Variants in SNX30 observed in about 807,000 individuals in gnomAD.
SNX30 encodes the protein sorting nexin family member 30, also known as sorting nexin-30.
A neutral mutation model predicts 46.4 loss-of-function variants in SNX30; 24 were observed. That is an observed-to-expected ratio of 0.52 (90% confidence interval 0.37 to 0.73). SNX30 has a LOEUF of 0.73. Among genes scored for constraint, SNX30 ranks in the 30% least tolerant of loss-of-function variants. SNX30 has a pLI of 0.00. For missense variants in SNX30, 533 were observed against 555.7 expected, an observed-to-expected ratio of 0.96 and a Z score of 0.41; for synonymous variants, 189 against 211.5, an observed-to-expected ratio of 0.89 and a Z score of 0.92.
intron 1 of SNX30, among the ~76,000 whole-genome samples, chr9:112,752,840 T>C (rs1294664778): frequency 2.0e-5 from 3 of 152,192 alleles, no homozygotes; most frequent in Non-Finnish European, 2.9e-5. Context: ...AGTCAAGTTG[T>C]TGGCTTGGGC....
At chr9:112,841,400 C>T (rs960097241) in intron 6 of SNX30, among the ~76,000 whole-genome samples, 1 of 152,222 alleles carries the variant, frequency 6.6e-6, no homozygotes, top group Non-Finnish European at 1.5e-5. Context: ...CTTTACCCCC[C>T]ATGTGTGGGG....
intron 7 of SNX30, among the ~76,000 whole-genome samples, chr9:112,853,200 A>G (rs552639945): frequency 6.6e-6 from 1 of 152,334 alleles, no homozygotes; most frequent in South Asian, 2.1e-4. Flanking sequence ...GCATGTATCT[A>G]TGGAAAGGCA....
intron 1 of SNX30, among the ~76,000 whole-genome samples, chr9:112,771,543 G>A (rs1367976073): frequency 6.6e-6 from 1 of 152,178 alleles, no homozygotes; most frequent in African/African-American, 2.4e-5. Context: ...ATGCAGCATT[G>A]CTGTGTCAGA....
At chr9:112,767,015 G>C (rs1236609429) in intron 1 of SNX30, among the ~76,000 whole-genome samples, 1 of 152,024 alleles carries the variant, frequency 6.6e-6, no homozygotes, top group Non-Finnish European at 1.5e-5. Context: ...TTAATTTTTT[G>C]AGGACTCGTC....
At chr9:112,815,099 A>T (rs1840377081) in intron 2 of SNX30, among the ~76,000 whole-genome samples, 1 of 152,016 alleles carries the variant, frequency 6.6e-6, no homozygotes, top group African/African-American at 2.4e-5. Flanking sequence ...ATTTAGAGGG[A>T]TTATGGCTGA....
At chr9:112,867,453 C>T (rs1245979932) in intron 8 of SNX30, among the ~76,000 whole-genome samples, 5 of 151,652 alleles carry the variant, frequency 3.3e-5, no homozygotes, top group African/African-American at 1.2e-4. Context: ...ACTCCTCCTC[C>T]ATCCTCAGAA....
intron 2 of SNX30, among the ~76,000 whole-genome samples, chr9:112,807,264 C>T (rs533609282): frequency 1.3e-4 from 20 of 152,098 alleles, no homozygotes; most frequent in Admixed American, 9.8e-4. Context: ...TGAGGTTTTA[C>T]TATGTTGGCC....
intron 4 of SNX30, among the ~76,000 whole-genome samples, chr9:112,834,032 G>A (rs1840710758): frequency 6.6e-6 from 1 of 152,158 alleles, no homozygotes; most frequent in Admixed American, 6.5e-5. Context: ...AATTGGTAGG[G>A]CAAGGCCCTC....
At chr9:112,804,411 T>C (rs2096185) in intron 1 of SNX30, among the ~76,000 whole-genome samples, 133,388 of 152,166 alleles carry the variant, frequency 0.88, 58,622 homozygotes, top group Middle Eastern at 0.91. Flanking sequence ...GTGAGCCACC[T>C]GTCTCGGCCT....
rs1841402353 is a variant in SNX30, at chr9:112,868,891, C to T, written c.*48C>T. On this transcript the variant is annotated 3_prime_UTR_variant, in exon 9 of 9. Transcript: ENST00000374232. ...TCTTCTACCTACACAGGGCCTGGCA[C>T]CCTATACCGGAATGTCCCTGCAGTG... 2.5e-6 allele frequency: 4 copies of T among 1,575,432 alleles called. No homozygotes were observed. Among genetic ancestry groups the T allele is most frequent in the South Asian group, 1.1e-5 (1 of 90,374 alleles).
At chr9:112,879,899 A>C (rs1841557116), downstream of SNX30, 11 of 1,363,842 alleles carry the variant, frequency 8.1e-6, no homozygotes, top group Non-Finnish European at 1.0e-5. Context: ...AGGGTTAATG[A>C]TAATTACAAG....
intron 4 of SNX30, among the ~76,000 whole-genome samples, chr9:112,835,471 A>G (rs1026598012): frequency 1.4e-5 from 2 of 142,970 alleles, no homozygotes; most frequent in Non-Finnish European, 3.0e-5. Flanking sequence ...ATGCCCAACT[A>G]ATTTTTTTTT....
chr9:112,786,187 G>T (rs972272000), intron 1 of SNX30, among the ~76,000 whole-genome samples: 1 of 148,456 alleles, frequency 6.7e-6, no homozygotes, highest in Non-Finnish European at 1.5e-5. Flanking sequence ...GCACCATCTT[G>T]GCTCACCACA....
At chr9:112,831,702 G>A (rs995476322) in intron 4 of SNX30, among the ~76,000 whole-genome samples, 1 of 152,172 alleles carries the variant, frequency 6.6e-6, no homozygotes, top group Non-Finnish European at 1.5e-5. Flanking sequence ...GTGGACATTT[G>A]CCAGATAAAA....
chr9:112,828,091 A>G (rs1454922560), intron 3 of SNX30, among the ~76,000 whole-genome samples: 1 of 152,234 alleles, frequency 6.6e-6, no homozygotes, highest in African/African-American at 2.4e-5. Context: ...GGAACAGTAA[A>G]ATTATTTTCC....
In SNX30 at chr9:112,880,918, T is replaced by A. The variant is rs146735185; in HGVS notation, n.3824+446T>A. 1.0e-3 allele frequency among the ~76,000 whole-genome samples: 155 copies of A among 152,256 alleles called. 1 individual carries two copies. Among genetic ancestry groups the A allele is most frequent in the African/African-American group, 3.6e-3 (149 of 41,556 alleles). On this transcript the variant is annotated intron_variant and non_coding_transcript_variant, in intron 5 of 5. Transcript: ENST00000604751. ...AAGTACTGAACTTCTCCATTTCCCA[T>A]AACATCATGAGCCCTTTGCATCCAC...
intron 1 of SNX30, among the ~76,000 whole-genome samples, chr9:112,777,868 C>T (rs544652237): frequency 6.6e-6 from 1 of 152,282 alleles, no homozygotes; most frequent in East Asian, 1.9e-4. Context: ...ATTTGCTAGG[C>T]AGACATTGTT....
At chr9:112,855,633 AG>A (rs1258649690) in intron 7 of SNX30, among the ~76,000 whole-genome samples, 1 of 152,022 alleles carries the variant, frequency 6.6e-6, no homozygotes, top group African/African-American at 2.4e-5. Context: ...CTGAGGGCAG[AG>A]GATGCGGAGG....
chr9:112,753,020 T>G (rs1244885590), intron 1 of SNX30, among the ~76,000 whole-genome samples: 5 of 152,186 alleles, frequency 3.3e-5, no homozygotes, highest in African/African-American at 1.2e-4. Context: ...CTTGTATAAC[T>G]TATCTTGGAA....
Sources: allele counts gnomAD v4.1 joint callset (sites outside exome capture counted in the v4.1 genomes callset), GRCh38; gene constraint gnomAD v4.1.1; transcripts MANE v1.5; gene names NCBI Gene and HGNC (gene_info 2026-07-23, HGNC 2026-07-21).